CSMD1: variants seen among roughly 807,000 people sequenced by gnomAD.
CSMD1 encodes CUB and sushi domain-containing protein 1.
CSMD1 carries 213 observed loss-of-function variants against 417.5 expected under a neutral mutation model. That is an observed-to-expected ratio of 0.51 (90% confidence interval 0.46 to 0.57). CSMD1 has a LOEUF of 0.57. Among genes scored for constraint, CSMD1 ranks in the 20% least tolerant of loss-of-function variants. The pLI, the probability that CSMD1 is intolerant of heterozygous loss-of-function variation, is 0.00. For synonymous variants in CSMD1, 2,862 were observed against 1,736.8 expected, an observed-to-expected ratio of 1.65 and a Z score of -16.11; for missense variants, 6,923 against 4,529.7, an observed-to-expected ratio of 1.53 and a Z score of -15.17.
At chr8:3,883,995 G>C (rs1273903842) in intron 5 of CSMD1, among the ~76,000 whole-genome samples, 1 of 152,122 alleles carries the variant, frequency 6.6e-6, no homozygotes, top group Non-Finnish European at 1.5e-5. Flanking sequence ...AGACACATTT[G>C]AAGGTCAGAA....
intron 1 of CSMD1, among the ~76,000 whole-genome samples, chr8:4,956,309 C>T (rs1299670394): frequency 3.3e-5 from 5 of 151,514 alleles, no homozygotes; most frequent in Non-Finnish European, 2.9e-5. Flanking sequence ...CATTTAATAG[C>T]ATATGAATAA....
In CSMD1 at chr8:4,146,173, G is replaced by A. The variant is rs750236852; in HGVS notation, c.416-114074C>T. On this transcript the variant is annotated intron_variant, in intron 3 of 69. Coordinates refer to ENST00000635120, the MANE Select transcript of CSMD1 (RefSeq NM_033225.6). ...GACATATAATCCAGCCTCATACTCC[G>A]CTGGCCAAGTCGATTCTCAAAAAAA... Among the ~76,000 whole-genome samples the A allele has an allele frequency of 4.0e-5, 6 of 150,800 alleles. 2 individuals carry two copies. The highest frequency in any genetic ancestry group is 1.5e-4 in the African/African-American group (6 of 40,240).
rs151081965 is a variant in CSMD1, at chr8:3,603,094, G to A, written c.1097+13616C>T. Among the ~76,000 whole-genome samples the A allele has an allele frequency of 5.8e-4, 89 of 152,310 alleles. No homozygotes were observed. The East Asian group carries it at 0.014, about 25-fold the overall frequency. On this transcript the variant is annotated intron_variant, in intron 8 of 69. Transcript: ENST00000635120. ...ATATGATCTGAAACATTCAGAGTGT[G>A]TCATTTTTCAAAGGGACATAAAGGC...
intron 52 of CSMD1, among the ~76,000 whole-genome samples, chr8:3,010,881 T>C (rs1808333953): frequency 6.6e-6 from 1 of 151,976 alleles, no homozygotes. Context: ...GTAGCTGGGA[T>C]TACTGGTGCC....
intron 39 of CSMD1, among the ~76,000 whole-genome samples, chr8:3,152,300 G>A (rs1202328114): frequency 1.3e-5 from 2 of 152,218 alleles, no homozygotes; most frequent in African/African-American, 2.4e-5. Flanking sequence ...GATACAAGAC[G>A]AAGCATTTGA....
intron 5 of CSMD1, among the ~76,000 whole-genome samples, chr8:3,855,479 A>G (rs73172281): frequency 0.019 from 2,967 of 152,304 alleles, 35 homozygotes; most frequent in Non-Finnish European, 0.029. Context: ...TGTGCTAGTT[A>G]TGAAGATATA....
At chr8:3,832,442 C>G (rs185382489) in intron 5 of CSMD1, among the ~76,000 whole-genome samples, 1 of 152,038 alleles carries the variant, frequency 6.6e-6, no homozygotes, top group Admixed American at 6.6e-5. Flanking sequence ...AATTATAAAG[C>G]GATTATGTAA....
chr8:3,940,142 G>A (rs1217307734), intron 5 of CSMD1, among the ~76,000 whole-genome samples: 4 of 151,986 alleles, frequency 2.6e-5, no homozygotes, highest in Non-Finnish European at 5.9e-5. Context: ...TACTATACAA[G>A]TTATTTTAAG....
chr8:3,166,795 T>C (rs559826866), intron 37 of CSMD1, among the ~76,000 whole-genome samples: 1 of 152,032 alleles, frequency 6.6e-6, no homozygotes, highest in African/African-American at 2.4e-5. Context: ...TAAAAAGAAC[T>C]CACAAAACGT....
chr8:4,352,910 A>T (rs988971438), intron 3 of CSMD1, among the ~76,000 whole-genome samples: 1 of 152,216 alleles, frequency 6.6e-6, no homozygotes, highest in Non-Finnish European at 1.5e-5. Context: ...CACTAGAAAG[A>T]TTTAGGCAAA....
intron 11 of CSMD1, 89 bp downstream of exon 11, chr8:3,493,534 A>G (rs936735880): frequency 4.4e-6 from 5 of 1,128,748 alleles, no homozygotes; most frequent in Non-Finnish European, 3.9e-6. Flanking sequence ...CCTGAGGCCG[A>G]ATTACAAGCC....
chr8:3,979,140 A>G (rs1317307662), intron 5 of CSMD1, among the ~76,000 whole-genome samples: 3 of 152,248 alleles, frequency 2.0e-5, no homozygotes, highest in Non-Finnish European at 2.9e-5. Context: ...ATGGGGCCTC[A>G]GGCCCTGATC....
At chr8:3,651,974 G>A (rs1797879242) in intron 7 of CSMD1, among the ~76,000 whole-genome samples, 1 of 145,918 alleles carries the variant, frequency 6.9e-6, no homozygotes, top group Non-Finnish European at 1.5e-5. Flanking sequence ...CACCACCAGA[G>A]CGCCTACCAA....
At chr8:4,352,168 C>G (rs13281329) in intron 3 of CSMD1, among the ~76,000 whole-genome samples, 18,965 of 152,114 alleles carry the variant, frequency 0.12, 1,382 homozygotes, top group Admixed American at 0.17. Flanking sequence ...ATATTAAGTC[C>G]ACTTAGGTTC....
intron 30 of CSMD1, among the ~76,000 whole-genome samples, chr8:3,212,136 T>C (rs1037223446): frequency 6.6e-6 from 1 of 152,182 alleles, no homozygotes; most frequent in Admixed American, 6.5e-5. Context: ...TCTGGCTCAC[T>C]GCCTCCCTCA....
At chr8:4,023,568 C>T (rs1053515482) in intron 4 of CSMD1, among the ~76,000 whole-genome samples, 4 of 148,494 alleles carry the variant, frequency 2.7e-5, no homozygotes, top group Admixed American at 2.1e-4. Context: ...AATATGAATG[C>T]TTACTGCTTT....
intron 2 of CSMD1, among the ~76,000 whole-genome samples, chr8:4,498,275 C>G (rs1802077168): frequency 6.6e-6 from 1 of 152,060 alleles, no homozygotes; most frequent in African/African-American, 2.4e-5. Context: ...CTACTTGTTT[C>G]CAAGGTTATT....
At chr8:3,608,042 T>C (rs1050979150) in intron 8 of CSMD1, among the ~76,000 whole-genome samples, 4 of 152,004 alleles carry the variant, frequency 2.6e-5, no homozygotes, top group Admixed American at 2.0e-4. Context: ...CGTGGTGGTA[T>C]GTGCCTGTAA....
intron 51 of CSMD1, among the ~76,000 whole-genome samples, chr8:3,022,672 T>C (rs1323635942): frequency 1.6e-5 from 2 of 121,994 alleles, no homozygotes; most frequent in Non-Finnish European, 1.7e-5. Flanking sequence ...TTCAAATACA[T>C]TCTAGCTAAA....
Sources: allele counts gnomAD v4.1 joint callset (sites outside exome capture counted in the v4.1 genomes callset), GRCh38; gene constraint gnomAD v4.1.1; transcripts MANE v1.5; gene names NCBI Gene and HGNC (gene_info 2026-07-23, HGNC 2026-07-21).